Variants in SYNE2 observed in about 807,000 individuals in gnomAD.
The protein encoded by SYNE2 is spectrin repeat containing nuclear envelope protein 2.
A neutral mutation model predicts 856.3 loss-of-function variants in SYNE2; 431 were observed. The observed-to-expected ratio is 0.50, with a 90% CI of 0.47 to 0.55. The LOEUF (loss-of-function observed/expected upper bound fraction) is 0.55. SYNE2 is among the 20% of genes least tolerant of loss of function. The pLI is 0.00. For synonymous variants in SYNE2, 2,923 were observed against 2,872.3 expected (o/e 1.02, Z -0.56); for missense variants, 8,129 against 8,023.2 (o/e 1.01, Z -0.50).
At chr14:63,881,524 T>C (rs904716394) in intron 1 of SYNE2, among the ~76,000 whole-genome samples, 1 of 151,328 alleles carries the variant, frequency 6.6e-6, no homozygotes, top group African/African-American at 2.4e-5. Flanking sequence ...TCTTTTGAGT[T>C]AGAGTTATAA....
intron 1 of SYNE2, among the ~76,000 whole-genome samples, chr14:63,861,315 T>G (rs893588492): frequency 5.9e-5 from 9 of 151,898 alleles, no homozygotes; most frequent in African/African-American, 1.9e-4. Context: ...CAGCTAATTT[T>G]TGTATTTTTA....
At chr14:63,886,459 T>C (rs915146908) in intron 1 of SYNE2, among the ~76,000 whole-genome samples, 2 of 152,228 alleles carry the variant, frequency 1.3e-5, no homozygotes, top group Non-Finnish European at 2.9e-5. Flanking sequence ...TAATAGACTT[T>C]GATTTTAAGA....
rs5809210 is a variant in SYNE2 at position 64,019,272 on chromosome 14, C to CAAA, written c.5050-707_5050-705dup. On this transcript the variant is annotated intron_variant, in intron 34 of 115. Coordinates refer to ENST00000555002, the MANE Select transcript of SYNE2 (RefSeq NM_182914.3). ...TGAACGACAAAGGGAGACTCCGTCTCAAAAAAAAAAAAAAATTTGTTCTCT... is the reference window on the plus strand; with the variant it reads ...TGAACGACAAAGGGAGACTCCGTCTCAAAAAAAAAAAAAAAAAATTTGTTCTCT... Among the ~76,000 whole-genome samples, 128 of 143,158 alleles carry CAAA rather than the reference C, an allele frequency of 8.9e-4. 1 individual carries two copies. Among genetic ancestry groups the CAAA allele is most frequent in the African/African-American group, 2.9e-3 (109 of 38,020 alleles). 93.9% of individuals were successfully genotyped at this position (143,158 alleles called of 152,430 possible).
At chr14:64,111,611 C>T (rs1438588130) in intron 65 of SYNE2, among the ~76,000 whole-genome samples, 1 of 151,976 alleles carries the variant, frequency 6.6e-6, no homozygotes, top group African/African-American at 2.4e-5. Flanking sequence ...CCAGCCTGGC[C>T]AACATGACAA....
intron 78 of SYNE2, among the ~76,000 whole-genome samples, chr14:64,137,439 G>A (rs2098102987): frequency 6.6e-6 from 1 of 152,054 alleles, no homozygotes; most frequent in Admixed American, 6.6e-5. Flanking sequence ...TTAGTAGAGA[G>A]GAGGTTTCAC....
At chr14:64,149,716 G>A (rs2153700867) in intron 84 of SYNE2, among the ~76,000 whole-genome samples, 1 of 152,268 alleles carries the variant, frequency 6.6e-6, no homozygotes, top group Admixed American at 6.5e-5. Context: ...TCACAGAATG[G>A]AAAAATAGGA....
chr14:63,774,217 C>G (rs569079287), intron 1 of SYNE2, among the ~76,000 whole-genome samples: 1 of 151,978 alleles, frequency 6.6e-6, no homozygotes, highest in Admixed American at 6.6e-5. Context: ...GCCTGTAATC[C>G]CAGCACTTTG....
chr14:64,146,451 G>C (rs542142975), intron 84 of SYNE2, among the ~76,000 whole-genome samples: 112 of 152,282 alleles, frequency 7.4e-4, no homozygotes, highest in African/African-American at 2.6e-3. Flanking sequence ...CAGTATTGCT[G>C]CTCTTAAGAG....
chr14:63,888,720 CT>C (rs2095055837), intron 1 of SYNE2, among the ~76,000 whole-genome samples: 1 of 152,180 alleles, frequency 6.6e-6, no homozygotes, highest in South Asian at 2.1e-4. Flanking sequence ...AGAACATTTT[CT>C]ACCCTTTGTC....
rs375322332 is a variant in SYNE2 at position 64,146,383 on chromosome 14, T to C, written c.15639+160T>C. ...CAATTAGATAATGACCCATGGGTTTTACAAAATTGCAAAGTGCCGTTTTTT... is the reference window on the plus strand; with the variant it reads ...CAATTAGATAATGACCCATGGGTTTCACAAAATTGCAAAGTGCCGTTTTTT... On this transcript the variant is annotated intron_variant, in intron 84 of 115. Coordinates refer to ENST00000555002, the MANE Select transcript of SYNE2 (RefSeq NM_182914.3). 1.5e-4 allele frequency among the ~76,000 whole-genome samples: 23 copies of C among 152,334 alleles called. No homozygotes were observed. The East Asian group carries it at 4.2e-3, about 28-fold the overall frequency.
At chr14:63,777,815 C>T (rs1373139105) in intron 1 of SYNE2, among the ~76,000 whole-genome samples, 4 of 152,112 alleles carry the variant, frequency 2.6e-5, no homozygotes, top group Admixed American at 2.6e-4. Flanking sequence ...ACAACAGGCA[C>T]AGGCCATCAT....
chr14:63,780,940 C>T (rs1010143212), intron 1 of SYNE2, among the ~76,000 whole-genome samples: 6 of 151,982 alleles, frequency 3.9e-5, no homozygotes, highest in Admixed American at 2.6e-4. Flanking sequence ...GAATGTTTAT[C>T]GGGAGGTTAA....
At chr14:63,876,148 C>T (rs536020486) in intron 1 of SYNE2, among the ~76,000 whole-genome samples, 3 of 151,378 alleles carry the variant, frequency 2.0e-5, no homozygotes, top group East Asian at 3.9e-4. Context: ...CGTGGTGGCT[C>T]ACACTTGTAA....
intron 1 of SYNE2, among the ~76,000 whole-genome samples, chr14:63,885,540 A>G (rs1246921868): frequency 3.3e-5 from 5 of 152,188 alleles, no homozygotes; most frequent in Non-Finnish European, 4.4e-5. Flanking sequence ...ACAGAAGAAC[A>G]TTAATTCTGG....
At chr14:63,780,273 C>T (rs1346477028) in intron 1 of SYNE2, among the ~76,000 whole-genome samples, 1 of 152,202 alleles carries the variant, frequency 6.6e-6, no homozygotes. Context: ...GTGGCTCATG[C>T]CTGTAATCCC....
chr14:63,986,319 CA>C, intron 18 of SYNE2, 136 bp from the exon 19 acceptor site: 3 of 918,940 alleles, frequency 3.3e-6, no homozygotes, highest in Non-Finnish European at 5.0e-6. Flanking sequence ...AGACTGGTCA[CA>C]AACTCCTAGC....
intron 93 of SYNE2, among the ~76,000 whole-genome samples, chr14:64,169,948 T>G (rs746537285): frequency 1.3e-5 from 2 of 152,206 alleles, no homozygotes; most frequent in Non-Finnish European, 2.9e-5. Flanking sequence ...TTTGGCCTAA[T>G]GTATATTAAA....
intron 94 of SYNE2, among the ~76,000 whole-genome samples, chr14:64,171,735 G>A (rs1595972225): frequency 6.6e-6 from 1 of 152,326 alleles, no homozygotes; most frequent in East Asian, 1.9e-4. Flanking sequence ...CTAGAAAGGC[G>A]GGTAGGGAGG....
intron 1 of SYNE2, among the ~76,000 whole-genome samples, chr14:63,802,272 A>G: frequency 6.6e-6 from 1 of 150,910 alleles, no homozygotes; most frequent in African/African-American, 2.4e-5. Context: ...ACACCCAGCT[A>G]ATTTTTGTAT....
Sources: gnomAD v4.1 joint callset for allele counts (sites outside exome capture counted in the v4.1 genomes callset) on GRCh38, gnomAD v4.1.1 for gene constraint, MANE v1.5 for transcripts, NCBI Gene and HGNC (gene_info 2026-07-23, HGNC 2026-07-21) for gene names.